The following FAM161A variants were observed in gnomAD, a reference collection of about 807,000 sequenced individuals.
FAM161A encodes FAM161 centrosomal protein A.
FAM161A carries 57 observed loss-of-function variants against 70.9 expected under a neutral mutation model. That is an observed-to-expected ratio of 0.80 (90% CI 0.65 to 1.00). The LOEUF is 1.00. FAM161A is among the 50% of genes least tolerant of loss of function. FAM161A has a pLI of 0.00. For missense variants in FAM161A, 880 were observed against 836.0 expected (o/e 1.05, Z -0.65); for synonymous variants, 299 against 295.7 (o/e 1.01, Z -0.12).
intron 4 of FAM161A, 109 bp downstream of exon 4, chr2:61,838,428 GC>G: frequency 1.1e-6 from 1 of 931,626 alleles, no homozygotes; most frequent in Non-Finnish European, 1.6e-6. Flanking sequence ...AAATCCATAA[GC>G]TAAAACACTA....
Position 61,842,315 on chromosome 2 carries a change from T to C in FAM161A, c.229A>G (p.Ile77Val), listed in dbSNP as rs770581526. Residue 77 changes from isoleucine (I) to valine (V), a missense_variant, in exon 2 of 7, where the codon ATA (isoleucine) becomes GTA (valine). By Grantham distance (29) the Ile-to-Val change is conservative. Transcript: ENST00000404929. ...AAGTTCACAAAGTCCTCATAGCTTA[T>C]CGGTGCATGTTCATCCACCCCAGAA... ...SFSGVDEHAP[I>V]SYEDFVNFPD... is the part of the protein sequence containing the mutation. 1 of 1,591,680 alleles carries C rather than the reference T, an allele frequency of 6.3e-7. No homozygotes were observed. The highest frequency in any genetic ancestry group is 8.6e-7 in the Non-Finnish European group (1 of 1,167,852).
chr2:61,839,823 T>G lies in FAM161A; in HGVS notation c.1181A>C (p.Asn394Thr). 1 of 1,614,088 alleles carries G rather than the reference T, an allele frequency of 6.2e-7. No homozygotes were observed. Among genetic ancestry groups the G allele is most frequent in the Admixed American group, 1.7e-5 (1 of 60,004 alleles). ...TGACCTACAAGGCAGAGGAGATGAG[T>G]TCTGTAAATGCTCCTGGGCTCTCAG... ...TQLRAQEHLQ[N>T]SSPLPCRSAC... The change falls in exon 3 of 7, where the codon AAC (asparagine) becomes ACC (threonine). Residue 394 changes from asparagine to threonine, a missense_variant. Physicochemically the swap from Asn to Thr is moderately conservative, Grantham distance 65 (BLOSUM62 0). Coordinates refer to ENST00000404929, the MANE Select transcript of FAM161A (RefSeq NM_001201543.2).
the FAM161A span, among the ~76,000 whole-genome samples, chr2:61,802,669 A>G: frequency 5.4e-3 from 830 of 152,312 alleles, 5 homozygotes; most frequent in African/African-American, 0.018. Flanking sequence ...AACTGTTTCA[A>G]ATGTGTATAT....
the FAM161A span, among the ~76,000 whole-genome samples, chr2:61,810,978 A>C: frequency 1.3e-5 from 2 of 151,932 alleles, no homozygotes; most frequent in African/African-American, 4.8e-5. Context: ...TCCCAAACCC[A>C]TTTCTTCCCC....
chr2:61,836,604 C>A, intron 4 of FAM161A: 1 of 156,816 alleles, frequency 6.4e-6, no homozygotes. Context: ...GATGGAGTCT[C>A]ATTCTGTTGC....
chr2:61,839,944 G>A lies in FAM161A; in HGVS notation c.1060C>T (p.Arg354Ter), dbSNP rs769445913. The change falls in exon 3 of 7, where the codon CGA becomes TGA. Residue 354 changes from arginine (R) to a stop codon, truncating the protein, a stop_gained. Coordinates refer to ENST00000404929, the MANE Select transcript of FAM161A (RefSeq NM_001201543.2). LOFTEE classifies it high-confidence loss of function. ...DFLKYKKKTN[R>*]FKARPIPRST... ...CGAGGAATGGGTCTGGCTTTAAATC[G>A]ATTTGTTTTCTTTTTATACTTAAGA... 3.7e-6 allele frequency: 6 copies of A among 1,614,040 alleles called. No individual in the cohort carries two copies. The highest frequency in any genetic ancestry group is 2.7e-5 in the African/African-American group (2 of 74,910).
At chr2:61,841,896 G>A (rs930819174) in intron 2 of FAM161A, among the ~76,000 whole-genome samples, 1 of 152,158 alleles carries the variant, frequency 6.6e-6, no homozygotes, top group African/African-American at 2.4e-5. Flanking sequence ...AGTTCTATGG[G>A]TGGGTCAGAA....
At chr2:61,836,190 A>G (rs1672768507) in intron 4 of FAM161A, 81 bp from the exon 5 acceptor site, 1 of 982,008 alleles carries the variant, frequency 1.0e-6, no homozygotes, top group African/African-American at 1.7e-5. Context: ...TAACTTATCA[A>G]CTTGTACAAA....
At chr2:61,808,915 C>G in the FAM161A span, among the ~76,000 whole-genome samples, 13 of 152,072 alleles carry the variant, frequency 8.5e-5, no homozygotes, top group Non-Finnish European at 1.5e-4. Flanking sequence ...GCTCTGTCAC[C>G]AGGCTGGAGT....
chr2:61,838,738 T>C (rs774442817), intron 3 of FAM161A, 33 bp from the exon 4 acceptor site: 12 of 1,456,078 alleles, frequency 8.2e-6, no homozygotes, highest in African/African-American at 1.4e-5. Flanking sequence ...TAATCCACTT[T>C]AAGCCAATCA....
Position 61,842,283 on chromosome 2 carries a change from A to G in FAM161A, c.261T>C (p.Asp87=). The G allele has an allele frequency of 1.2e-6, 2 of 1,612,540 alleles. No individual in the cohort carries two copies. Among genetic ancestry groups the G allele is most frequent in the Admixed American group, 1.7e-5 (1 of 59,764 alleles). Residue 87 remains aspartate, a synonymous_variant, in exon 2 of 7, where the codon GAT becomes GAC. Coordinates refer to ENST00000404929, the MANE Select transcript of FAM161A (RefSeq NM_001201543.2). Reference sequence around the variant, plus strand: ...AATACTCCTCATTAGAGTGGTGAATATCAGGAAAGTTCACAAAGTCCTCAT... The same window carrying G: ...AATACTCCTCATTAGAGTGGTGAATGTCAGGAAAGTTCACAAAGTCCTCAT... ...ISYEDFVNFP[D]IHHSNEEYFK...
chr2:61,836,057 CTCTT>C lies in FAM161A; in HGVS notation c.1800_1803del (p.Arg601LysfsTer4). 6.2e-7 allele frequency: 1 copy of C among 1,609,582 alleles called. No individual in the cohort carries two copies. Among genetic ancestry groups the C allele is most frequent in the Non-Finnish European group, 8.5e-7 (1 of 1,178,646 alleles). Reference sequence around the variant, plus strand: ...AGTGGCCTCTTTTTTAATTTTTCTTCTCTTTCTTCTAGTTCTCGTTGGTATTCTC... The same window carrying C: ...AGTGGCCTCTTTTTTAATTTTTCTTCTCTTCTAGTTCTCGTTGGTATTCTC... On this transcript the variant is annotated frameshift_variant, in exon 5 of 7. Coordinates refer to ENST00000404929, the MANE Select transcript of FAM161A (RefSeq NM_001201543.2). LOFTEE classifies it high-confidence loss of function.
intron 1 of FAM161A, among the ~76,000 whole-genome samples, chr2:61,843,662 GT>G (rs1315473272): frequency 7.9e-5 from 12 of 152,126 alleles, no homozygotes; most frequent in African/African-American, 2.2e-4. Flanking sequence ...AAAATAATCT[GT>G]TTAGCTTCTC....
intron 4 of FAM161A, 82 bp downstream of exon 4, chr2:61,838,456 G>A (rs1221894410): frequency 6.0e-6 from 7 of 1,158,166 alleles, no homozygotes; most frequent in Non-Finnish European, 8.8e-6. Flanking sequence ...TTTTCAATCT[G>A]CTCATATTTT....
chr2:61,804,885 T>C, the FAM161A span, among the ~76,000 whole-genome samples: 2 of 151,738 alleles, frequency 1.3e-5, no homozygotes, highest in Non-Finnish European at 2.9e-5. Context: ...AAACTAAAGA[T>C]AACCTCCTAA....
intron 6 of FAM161A, 76 bp downstream of exon 6, chr2:61,827,028 A>T: frequency 7.3e-7 from 1 of 1,365,554 alleles, no homozygotes; most frequent in Admixed American, 1.7e-5. Flanking sequence ...AAAAATATAC[A>T]TAGTATAAAA....
At chr2:61,826,744 A>AG (rs1672383768) in intron 6 of FAM161A, 145 bp from the exon 7 acceptor site, 1 of 573,794 alleles carries the variant, frequency 1.7e-6, no homozygotes, top group Non-Finnish European at 2.6e-6. Context: ...CAAAAAAAAG[A>AG]AGAAAACGCT....
At position 61,842,107 on chromosome 2, in the gene FAM161A, G is replaced by A; in HGVS notation, c.422+15C>T. 7.2e-7 allele frequency: 1 copy of A among 1,386,096 alleles called. No homozygotes were observed. The highest frequency in any genetic ancestry group is 1.0e-6 in the Non-Finnish European group (1 of 972,268). The allele number at this position is 1,386,096 out of a possible 1,614,324, so 85.9% of individuals were successfully genotyped here. A position where few individuals can be genotyped will look rare whatever the true frequency, so the allele number is the denominator to read the frequency against. Reference sequence around the variant, plus strand: ...TATTTTATACTCCACAAATAACATTGAGTTACAAGCTTACCTGGAAGAGTC... The same window carrying A: ...TATTTTATACTCCACAAATAACATTAAGTTACAAGCTTACCTGGAAGAGTC... On this transcript the variant is annotated intron_variant, in intron 2 of 6. Transcript: ENST00000404929.
chr2:61,824,315 G>A (rs770909818), downstream of FAM161A, among the ~76,000 whole-genome samples: 5 of 151,160 alleles, frequency 3.3e-5, no homozygotes, highest in Non-Finnish European at 5.9e-5. Flanking sequence ...ACAGTGATAT[G>A]CACAGAATGA....
Sources: gnomAD v4.1 joint callset for allele counts (sites outside exome capture counted in the v4.1 genomes callset) on GRCh38, gnomAD v4.1.1 for gene constraint, MANE v1.5 for transcripts, NCBI Gene and HGNC (gene_info 2026-07-23, HGNC 2026-07-21) for gene names.